The following NUFIP2 variants were observed in gnomAD, a reference collection of about 807,000 sequenced individuals.
NUFIP2 encodes FMR1-interacting protein NUFIP2.
Under a neutral mutation model 56.9 loss-of-function variants are expected in NUFIP2, and 6 were observed. The ratio of observed to expected loss-of-function variants is 0.11; its 90% CI spans 0.06 to 0.21. The LOEUF is 0.21. NUFIP2 is among the 10% of genes least tolerant of loss of function. The pLI is 1.00. For synonymous variants in NUFIP2, 321 were observed against 298.2 expected (o/e 1.08, Z -0.79); for missense variants, 828 against 826.8 (o/e 1.00, Z -0.02).
rs1429033276 is a variant in NUFIP2 at position 29,279,640 on chromosome 17, T to G, written c.2002+6352A>C. On this transcript the variant is annotated intron_variant, in intron 2 of 3. Transcript: ENST00000225388. ...CTTTGACCTCTTGGGCTTGGTGATA[T>G]CCTCCATCTCAGCCTCCACATGCCA... Among the ~76,000 whole-genome samples the G allele has an allele frequency of 8.5e-5, 13 of 152,244 alleles. No homozygotes were observed. In the East Asian group the frequency reaches 2.5e-3, roughly 29 times the overall value.
chr17:29,275,314 A>G (rs747856988), intron 2 of NUFIP2, among the ~76,000 whole-genome samples: 1 of 152,110 alleles, frequency 6.6e-6, no homozygotes, highest in Admixed American at 6.6e-5. Flanking sequence ...ATGAGCCACC[A>G]TACCTGGCCT....
At chr17:29,276,636 C>G (rs1336313718) in intron 2 of NUFIP2, among the ~76,000 whole-genome samples, 2 of 152,144 alleles carry the variant, frequency 1.3e-5, no homozygotes, top group African/African-American at 4.8e-5. Context: ...CTGTGCCCAG[C>G]CAACAATAGT....
chr17:29,278,547 C>G (rs1006160892), intron 2 of NUFIP2, among the ~76,000 whole-genome samples: 2 of 151,306 alleles, frequency 1.3e-5, no homozygotes, highest in Admixed American at 1.3e-4. Context: ...ACGCCCGGCC[C>G]CCCATGTGCT....
intron 2 of NUFIP2, among the ~76,000 whole-genome samples, chr17:29,281,434 G>A (rs947562556): frequency 6.6e-6 from 1 of 152,042 alleles, no homozygotes; most frequent in Non-Finnish European, 1.5e-5. Flanking sequence ...CAAGGCTACA[G>A]TGAGCTATGA....
intron 2 of NUFIP2, among the ~76,000 whole-genome samples, chr17:29,268,581 G>A (rs1049504416): frequency 1.2e-4 from 18 of 152,024 alleles, no homozygotes; most frequent in African/African-American, 3.9e-4. Flanking sequence ...GCAATGGCAC[G>A]ATCTCGGCTC....
intron 2 of NUFIP2, among the ~76,000 whole-genome samples, chr17:29,285,118 C>A (rs548143177): frequency 1.3e-5 from 2 of 151,812 alleles, no homozygotes; most frequent in African/African-American, 4.8e-5. Context: ...CTGGCCAACA[C>A]GGGGAAACCC....
intron 2 of NUFIP2, among the ~76,000 whole-genome samples, chr17:29,281,824 G>A (rs1171787938): frequency 1.3e-5 from 2 of 150,894 alleles, no homozygotes; most frequent in Non-Finnish European, 3.0e-5. Context: ...GAGTGCAGTG[G>A]CACGATCTCA....
At chr17:29,283,291 G>A (rs2069151190) in intron 2 of NUFIP2, among the ~76,000 whole-genome samples, 1 of 152,144 alleles carries the variant, frequency 6.6e-6, no homozygotes, top group African/African-American at 2.4e-5. Flanking sequence ...AATAGAAATT[G>A]TACATAAGAA....
rs766481070 is a variant in NUFIP2, at chr17:29,286,658, T to C, written c.1336A>G (p.Ile446Val). 22 of 1,613,996 alleles carry C rather than the reference T, an allele frequency of 1.4e-5. No individual in the cohort carries two copies. The highest frequency in any genetic ancestry group is 1.8e-5 in the Non-Finnish European group (21 of 1,180,032). ...LTTAANTLTP[I>V]SSGTDSVLQD... ...AGAACTGAATCTGTCCCAGAAGAGA[T>C]GGGTGTTAGAGTATTAGCAGCAGTA... The change falls in exon 2 of 4, where the codon ATC becomes GTC. Residue 446 changes from isoleucine to valine, a missense_variant. By Grantham distance (29) the Ile-to-Val change is conservative. Around this residue, in one of 3 missense-constraint regions of NUFIP2, gnomAD observed 404 missense variants for 380.3 expected, o/e 1.06. Coordinates refer to ENST00000225388, the MANE Select transcript of NUFIP2 (RefSeq NM_020772.3).
chr17:29,284,468 GACCC>G (rs1567680510), intron 2 of NUFIP2, among the ~76,000 whole-genome samples: 8 of 151,622 alleles, frequency 5.3e-5, no homozygotes, highest in Admixed American at 2.0e-4. Flanking sequence ...CACTTTGGGA[GACCC>G]AGGTGGGTGG....
chr17:29,292,084 C>G (rs963453990), intron 1 of NUFIP2, among the ~76,000 whole-genome samples: 4 of 152,302 alleles, frequency 2.6e-5, no homozygotes, highest in Non-Finnish European at 5.9e-5. Context: ...CTATTAAACT[C>G]ACTTCTCGTG....
At chr17:29,287,740 TAAA>T in intron 1 of NUFIP2, 24 bp from the exon 2 acceptor site, 1 of 1,383,710 alleles carries the variant, frequency 7.2e-7, no homozygotes, top group Non-Finnish European at 9.7e-7. Flanking sequence ...AAAAAAGGAT[TAAA>T]AAAAAAAATC....
rs1370674294 is a variant in NUFIP2 at position 29,263,945 on chromosome 17, G to A, written c.*594C>T. 1 of 152,576 alleles carries A rather than the reference G, an allele frequency of 6.6e-6. No homozygotes were observed. Among genetic ancestry groups the A allele is most frequent in the African/African-American group, 2.4e-5 (1 of 41,382 alleles). The allele number at this position is 152,576 out of a possible 1,614,324, so 9.5% of individuals were successfully genotyped here. A position where few individuals can be genotyped will look rare whatever the true frequency, so the allele number is the denominator to read the frequency against. ...CCAGAGGCCGCTTAACTCCTGGCAA[G>A]ACATGCAAATCATATTCGCTAAAAA... On this transcript the variant is annotated 3_prime_UTR_variant, in exon 4 of 4. Coordinates refer to ENST00000225388, the MANE Select transcript of NUFIP2 (RefSeq NM_020772.3).
rs1252359165 is a variant in NUFIP2 at position 29,287,596 on chromosome 17, G to A, written c.398C>T (p.Thr133Ile). Reference sequence around the variant, plus strand: ...GGCCTTTACAGTCTGCTTCAGGCTAGTGTCTACAACTTGCTGGTTGCCATT... The same window carrying A: ...GGCCTTTACAGTCTGCTTCAGGCTAATGTCTACAACTTGCTGGTTGCCATT... ...VLNGNQQVVD[T>I]SLKQTVKANT... is the part of the protein sequence containing the mutation. Residue 133 changes from threonine (T) to isoleucine (I), a missense_variant, in exon 2 of 4, where the codon ACT becomes ATT. By Grantham distance (89) the Thr-to-Ile change is moderately conservative. Transcript: ENST00000225388. The A allele has an allele frequency of 6.2e-7, 1 of 1,614,124 alleles. No homozygotes were observed. The highest frequency in any genetic ancestry group is 1.1e-5 in the South Asian group (1 of 91,084).
chr17:29,268,414 C>A (rs2069051606), intron 2 of NUFIP2, among the ~76,000 whole-genome samples: 2 of 152,154 alleles, frequency 1.3e-5, no homozygotes, highest in South Asian at 4.1e-4. Context: ...TTGAACAAAG[C>A]ATTCATCAAA....
chr17:29,271,334 C>T (rs1452081416), intron 2 of NUFIP2, among the ~76,000 whole-genome samples: 5 of 151,842 alleles, frequency 3.3e-5, no homozygotes, highest in African/African-American at 9.7e-5. Flanking sequence ...GTAAGGAGTT[C>T]GATACCAGCC....
rs2069015440 is a variant in NUFIP2 at position 29,263,423 on chromosome 17, C to T, written c.*1116G>A. 6.6e-6 allele frequency: 1 copy of T among 152,612 alleles called. No homozygotes were observed. Among genetic ancestry groups the T allele is most frequent in the Non-Finnish European group, 1.5e-5 (1 of 68,044 alleles). The allele number at this position is 152,612 out of a possible 1,614,324, so 9.5% of individuals were successfully genotyped here. A position where few individuals can be genotyped will look rare whatever the true frequency, so the allele number is the denominator to read the frequency against. On this transcript the variant is annotated 3_prime_UTR_variant, in exon 4 of 4. Coordinates refer to ENST00000225388, the MANE Select transcript of NUFIP2 (RefSeq NM_020772.3). ...CAGAAGTATAGTTTGCATGAAAACA[C>T]ACCTTCTACAGTCAGGGTTTATTAT...
Position 29,287,285 on chromosome 17 carries a change from G to C in NUFIP2, c.709C>G (p.Leu237Val), listed in dbSNP as rs1471622508. The change falls in exon 2 of 4, where the codon CTT becomes GTT. Residue 237 changes from leucine to valine, a missense_variant. By Grantham distance (32) the Leu-to-Val change is conservative. Coordinates refer to ENST00000225388, the MANE Select transcript of NUFIP2 (RefSeq NM_020772.3). ...ATTATTTTGTCCTGCACTATATTAA[G>C]GTTTTCACAACCCTTGGCACTATTG... ...RRNSAKGCEN[L>V]NIVQDKIMQQ... 2 of 1,614,098 alleles carry C rather than the reference G, an allele frequency of 1.2e-6. No individual in the cohort carries two copies. Among genetic ancestry groups the C allele is most frequent in the East Asian group, 2.2e-5 (1 of 44,882 alleles).
At position 29,287,715 on chromosome 17, in the gene NUFIP2, G is replaced by C; in HGVS notation, c.279C>G (p.Gly93=). The C allele has an allele frequency of 6.4e-7, 1 of 1,566,070 alleles. No individual in the cohort carries two copies. Among genetic ancestry groups the C allele is most frequent in the Middle Eastern group, 1.7e-4 (1 of 5,816 alleles). The change falls in exon 2 of 4, where the codon GGC becomes GGG. Residue 93 remains glycine (G), a splice_region_variant and synonymous_variant. Transcript: ENST00000225388. The part of the protein sequence containing the change: ...QHQETPKKKT[G]YGELNGNAGE... ...CAGCATTACCGTTTAGTTCACCATA[G>C]CCTAGGGGAGGGGAAAAAAAGGATT...
Sources: allele counts gnomAD v4.1 joint callset (sites outside exome capture counted in the v4.1 genomes callset), GRCh38; gene constraint gnomAD v4.1.1; regional missense constraint gnomAD v4.1.1; transcripts MANE v1.5; gene names NCBI Gene and HGNC (gene_info 2026-07-23, HGNC 2026-07-21).